CACNA1C: variants seen among roughly 807,000 people sequenced by gnomAD.
CACNA1C encodes voltage-dependent L-type calcium channel subunit alpha-1C.
In CACNA1C, 30 loss-of-function variants were observed where a neutral mutation model predicts 229.0. The ratio of observed to expected loss-of-function variants is 0.13; its 90% CI spans 0.10 to 0.18. CACNA1C has a LOEUF of 0.18. CACNA1C is among the 10% of genes least tolerant of loss of function. The probability of loss-of-function intolerance (pLI) is 1.00; values close to 1 mark genes in which losing one functional copy is unlikely to be tolerated. For missense variants in CACNA1C, 1,658 were observed against 2,845.0 expected, an observed-to-expected ratio of 0.58 and a Z score of 9.49; for synonymous variants, 1,114 against 1,132.5, an observed-to-expected ratio of 0.98 and a Z score of 0.33.
At chr12:2,176,121 T>C (rs2096637733) in intron 3 of CACNA1C, among the ~76,000 whole-genome samples, 1 of 152,086 alleles carries the variant, frequency 6.6e-6, no homozygotes, top group Admixed American at 6.5e-5. Context: ...GGTGGGATGC[T>C]AGAGGATGCT....
Position 2,504,626 on chromosome 12 carries a change from A to T in CACNA1C, c.1114-216A>T. On this transcript the variant is annotated intron_variant, in intron 7 of 46. Transcript: ENST00000399655. The surrounding 1 kb of genome is among the most constrained non-coding windows in gnomAD (Gnocchi z 6.8). ...CCGTACATGCCCGGGGTCCTCAGGG[A>T]TGGGACCCTGACAGGCCCAGGAAAA... The T allele has an allele frequency of 1.2e-6, 1 of 860,330 alleles. No individual in the cohort carries two copies. Among genetic ancestry groups the T allele is most frequent in the Non-Finnish European group, 2.0e-6 (1 of 501,204 alleles). 53.3% of individuals were successfully genotyped at this position (860,330 alleles called of 1,614,324 possible). A position where few individuals can be genotyped will look rare whatever the true frequency, so the allele number is the denominator to read the frequency against.
At chr12:2,444,269 T>C (rs1421350892) in intron 3 of CACNA1C, among the ~76,000 whole-genome samples, 3 of 152,250 alleles carry the variant, frequency 2.0e-5, no homozygotes, top group Non-Finnish European at 2.9e-5. Context: ...TCTCCCTGGC[T>C]TGAGTATCTT....
At chr12:2,482,740 G>GCC (rs2099681243) in intron 5 of CACNA1C, among the ~76,000 whole-genome samples, 2 of 152,158 alleles carry the variant, frequency 1.3e-5, no homozygotes, top group African/African-American at 4.8e-5. Context: ...TCCACCTTCA[G>GCC]ATAAGCCTGT....
At chr12:2,514,733 C>T (rs2099792644) in intron 9 of CACNA1C, among the ~76,000 whole-genome samples, 1 of 152,188 alleles carries the variant, frequency 6.6e-6, no homozygotes, top group South Asian at 2.1e-4. Flanking sequence ...GTAGCCACTA[C>T]ACGCTTAGCA....
intron 3 of CACNA1C, among the ~76,000 whole-genome samples, chr12:2,166,961 C>T (rs994119863): frequency 6.6e-6 from 1 of 152,132 alleles, no homozygotes; most frequent in Non-Finnish European, 1.5e-5. Flanking sequence ...GAAAAAGAAC[C>T]CAAGCATTTT....
chr12:2,010,390 A>G (rs1593617969), intron 1 of CACNA1C, among the ~76,000 whole-genome samples: 1 of 152,132 alleles, frequency 6.6e-6, no homozygotes, highest in Non-Finnish European at 1.5e-5. Context: ...GGGAAGGCAG[A>G]CATCTACCAG....
At chr12:2,674,742 T>G (rs2096718570) in intron 39 of CACNA1C, 100 bp downstream of exon 39, 1 of 1,155,506 alleles carries the variant, frequency 8.7e-7, no homozygotes, top group African/African-American at 1.5e-5. Flanking sequence ...TGCGGAAGCA[T>G]CCCCTGAGAC....
chr12:2,255,160 T>C (rs1489822907), intron 3 of CACNA1C, among the ~76,000 whole-genome samples: 1 of 152,068 alleles, frequency 6.6e-6, no homozygotes. Context: ...TCCTCTCTGT[T>C]TGCCATCTGC....
At chr12:2,254,982 C>T (rs2076861239) in intron 3 of CACNA1C, among the ~76,000 whole-genome samples, 1 of 152,058 alleles carries the variant, frequency 6.6e-6, no homozygotes, top group African/African-American at 2.4e-5. Flanking sequence ...GAGCACATAC[C>T]CCTGTGTAAA....
chr12:2,338,168 A>G (rs1027603338), intron 3 of CACNA1C, among the ~76,000 whole-genome samples: 2 of 152,090 alleles, frequency 1.3e-5, no homozygotes, highest in Non-Finnish European at 2.9e-5. Flanking sequence ...TGCTGGCTAC[A>G]TGGGGGGAGG....
chr12:2,524,604 G>A lies in CACNA1C; in HGVS notation c.1390+11620G>A, dbSNP rs186660541. On this transcript the variant is annotated intron_variant, in intron 9 of 46. Transcript: ENST00000399655. ...GAGTGTGAGCTGGGGATGGGAGGGA[G>A]GAGAGTTCCACCACACCGGTCTTCA... 1.9e-3 allele frequency among the ~76,000 whole-genome samples: 296 copies of A among 152,290 alleles called. 1 individual carries two copies. Among genetic ancestry groups the A allele is most frequent in the Non-Finnish European group, 3.2e-3 (216 of 67,998 alleles).
At chr12:2,474,666 G>A (rs1196475633) in intron 5 of CACNA1C, among the ~76,000 whole-genome samples, 1 of 149,364 alleles carries the variant, frequency 6.7e-6, no homozygotes, top group Admixed American at 6.8e-5. Flanking sequence ...TGAGGCAAGA[G>A]AATCACTTGA....
At chr12:2,217,817 C>T (rs1370297127) in intron 3 of CACNA1C, 1 of 152,144 alleles carries the variant, frequency 6.6e-6, no homozygotes, top group African/African-American at 2.4e-5. Context: ...GACCTTGGGC[C>T]TCATTCTGAG....
At chr12:2,356,146 G>A (rs2097355620) in intron 3 of CACNA1C, among the ~76,000 whole-genome samples, 1 of 152,254 alleles carries the variant, frequency 6.6e-6, no homozygotes, top group South Asian at 2.1e-4. Context: ...CAGTAGCTTA[G>A]TCTTTCCTTT....
intron 1 of CACNA1C, among the ~76,000 whole-genome samples, chr12:2,074,594 T>C (rs2062504339): frequency 6.6e-6 from 1 of 152,182 alleles, no homozygotes; most frequent in African/African-American, 2.4e-5. Flanking sequence ...AGTACTGTTA[T>C]TGATAGGCCC....
intron 3 of CACNA1C, among the ~76,000 whole-genome samples, chr12:2,383,137 G>A (rs1038341409): frequency 1.3e-5 from 2 of 152,208 alleles, no homozygotes; most frequent in Non-Finnish European, 1.5e-5. Context: ...ATGGGGTGCT[G>A]TGCTGTGTAG....
chr12:2,461,088 A>G (rs2099498186), intron 5 of CACNA1C, among the ~76,000 whole-genome samples: 1 of 152,056 alleles, frequency 6.6e-6, no homozygotes, highest in South Asian at 2.1e-4. Flanking sequence ...AGTTGCCTCT[A>G]CCTGTTGTCT....
intron 1 of CACNA1C, among the ~76,000 whole-genome samples, chr12:1,997,189 T>C (rs1247834561): frequency 2.0e-5 from 3 of 152,170 alleles, no homozygotes; most frequent in Non-Finnish European, 4.4e-5. Flanking sequence ...CTGAAAGACA[T>C]CTTCAATTTT....
At chr12:2,020,255 A>G (rs1177971518) in intron 1 of CACNA1C, 2 of 152,222 alleles carry the variant, frequency 1.3e-5, no homozygotes, top group Non-Finnish European at 2.9e-5. Flanking sequence ...TCGAAACCTC[A>G]GAAAAACTCT....
Sources: gnomAD v4.1 joint callset for allele counts (sites outside exome capture counted in the v4.1 genomes callset) on GRCh38, gnomAD v4.1.1 for gene constraint, Gnocchi (gnomAD v3.1) non-coding constraint, MANE v1.5 for transcripts, NCBI Gene and HGNC (gene_info 2026-07-23, HGNC 2026-07-21) for gene names.